The following RALB variants were observed in gnomAD, a reference collection of about 807,000 sequenced individuals.
RALB encodes RAS like proto-oncogene B.
A neutral mutation model predicts 21.3 loss-of-function variants in RALB; 16 were observed. That is an observed-to-expected ratio of 0.75 (90% CI 0.51 to 1.14). The LOEUF is 1.14. Ranked by LOEUF, RALB falls within the 50% of genes most tolerant of loss-of-function variation. The pLI is 0.00. For synonymous variants in RALB, 93 were observed against 96.1 expected, an observed-to-expected ratio of 0.97 and a Z score of 0.19; for missense variants, 161 against 256.2, an observed-to-expected ratio of 0.63 and a Z score of 2.54.
chr2:120,244,241 G>C (rs72611962), intron 1 of RALB, among the ~76,000 whole-genome samples: 1 of 152,146 alleles, frequency 6.6e-6, no homozygotes, highest in Non-Finnish European at 1.5e-5. Flanking sequence ...TTCCACATGA[G>C]ATTTGGGTGG....
At chr2:120,259,163 T>G (rs1286503543) in intron 1 of RALB, among the ~76,000 whole-genome samples, 1 of 152,170 alleles carries the variant, frequency 6.6e-6, no homozygotes, top group African/African-American at 2.4e-5. Context: ...TAGCAAGATT[T>G]ATTGCAAAGA....
chr2:120,269,412 G>C (rs1162805253), intron 1 of RALB, among the ~76,000 whole-genome samples: 1 of 152,196 alleles, frequency 6.6e-6, no homozygotes, highest in Non-Finnish European at 1.5e-5. Context: ...AAGGTGACCT[G>C]AGCAGGTTGC....
chr2:120,294,350 T>G lies in RALB; in HGVS notation c.*1090T>G. ...CCATCGCCCCTTTGCCTCTGAGAAT[T>G]GGCTGCTGTTTCTAATATAATTATT... On this transcript the variant is annotated 3_prime_UTR_variant, in exon 5 of 5. Coordinates refer to ENST00000272519, the MANE Select transcript of RALB (RefSeq NM_002881.3). 1 of 398,868 alleles carries G rather than the reference T, an allele frequency of 2.5e-6. No individual in the cohort carries two copies. Among genetic ancestry groups the G allele is most frequent in the Admixed American group, 4.4e-5 (1 of 22,740 alleles). The allele number at this position is 398,868 out of a possible 1,614,324, so 24.7% of individuals were successfully genotyped here.
intron 1 of RALB, among the ~76,000 whole-genome samples, chr2:120,272,394 G>A (rs530745902): frequency 6.6e-6 from 1 of 152,152 alleles, no homozygotes; most frequent in African/African-American, 2.4e-5. Flanking sequence ...CAAAGTATAC[G>A]GATACCTGCA....
intron 2 of RALB, among the ~76,000 whole-genome samples, chr2:120,283,108 G>A (rs1690036108): frequency 6.6e-6 from 1 of 152,112 alleles, no homozygotes; most frequent in Non-Finnish European, 1.5e-5. Context: ...TCTGCCGCGT[G>A]GCCAGGTGTG....
intron 1 of RALB, among the ~76,000 whole-genome samples, chr2:120,272,555 AC>A (rs1190724561): frequency 6.6e-6 from 1 of 152,222 alleles, no homozygotes; most frequent in African/African-American, 2.4e-5. Context: ...GGTTGTTTCA[AC>A]TTTTCTTAGT....
upstream of RALB, among the ~76,000 whole-genome samples, chr2:120,249,135 A>G (rs1689014696): frequency 6.6e-6 from 1 of 151,434 alleles, no homozygotes; most frequent in Non-Finnish European, 1.5e-5. Flanking sequence ...CCTGGGTTCA[A>G]GCAACTCTCT....
chr2:120,248,594 A>G (rs534060732), upstream of RALB, among the ~76,000 whole-genome samples: 17 of 152,202 alleles, frequency 1.1e-4, no homozygotes, highest in Admixed American at 2.6e-4. Flanking sequence ...CCGGAACAGC[A>G]TCCTAACCTC....
chr2:120,292,623 C>G lies in RALB; in HGVS notation c.502-518C>G, dbSNP rs770515726. Among the ~76,000 whole-genome samples, 2 of 152,132 alleles carry G rather than the reference C, an allele frequency of 1.3e-5. 1 individual carries two copies. Among genetic ancestry groups the G allele is most frequent in the African/African-American group, 4.8e-5 (2 of 41,418 alleles). ...CTGTTATATGCAAAAATATGTCTTA[C>G]CCTTCATCACACTTATTGTAAGATT... is the stretch of plus-strand genomic sequence containing the variant. On this transcript the variant is annotated intron_variant, in intron 4 of 4. Transcript: ENST00000272519.
chr2:120,277,598 AGT>A (rs1322375982), intron 1 of RALB, among the ~76,000 whole-genome samples: 30 of 151,698 alleles, frequency 2.0e-4, no homozygotes, highest in East Asian at 1.8e-3. Flanking sequence ...TAGTGTATGG[AGT>A]GTGTGTTGTG....
At chr2:120,287,013 GTTC>G (rs1212498432) in intron 3 of RALB, among the ~76,000 whole-genome samples, 1 of 152,092 alleles carries the variant, frequency 6.6e-6, no homozygotes, top group Admixed American at 6.6e-5. Flanking sequence ...TAAAAAATCT[GTTC>G]TTCTTATAAA....
chr2:120,243,058 C>A (rs1260271424), intron 1 of RALB, among the ~76,000 whole-genome samples: 1 of 152,202 alleles, frequency 6.6e-6, no homozygotes, highest in Non-Finnish European at 1.5e-5. Flanking sequence ...CGTTCTGATG[C>A]AGAAACCAAG....
At chr2:120,286,350 C>T (rs778080839) in intron 3 of RALB, among the ~76,000 whole-genome samples, 10 of 152,130 alleles carry the variant, frequency 6.6e-5, no homozygotes, top group Non-Finnish European at 1.5e-4. Flanking sequence ...AACAATGAAG[C>T]TATTCCATAT....
intron 4 of RALB, among the ~76,000 whole-genome samples, chr2:120,290,086 C>T (rs1455349789): frequency 6.6e-6 from 1 of 152,134 alleles, no homozygotes; most frequent in Non-Finnish European, 1.5e-5. Context: ...GCAACCTCTG[C>T]CTCCTGGGCT....
chr2:120,274,034 A>G (rs1689728947), intron 1 of RALB, among the ~76,000 whole-genome samples: 1 of 152,242 alleles, frequency 6.6e-6, no homozygotes, highest in South Asian at 2.1e-4. Flanking sequence ...TCAGAATTAG[A>G]TAACTACACG....
At chr2:120,268,485 A>G (rs748395657) in intron 1 of RALB, among the ~76,000 whole-genome samples, 3 of 152,242 alleles carry the variant, frequency 2.0e-5, no homozygotes, top group Non-Finnish European at 2.9e-5. Context: ...CCATCAGTCA[A>G]TGAATGGCTA....
chr2:120,288,280 T>C (rs1283492147), intron 3 of RALB, among the ~76,000 whole-genome samples: 2 of 152,168 alleles, frequency 1.3e-5, no homozygotes, highest in Non-Finnish European at 2.9e-5. Context: ...TCTTTTCATC[T>C]TTTTTAGTTT....
chr2:120,253,097 C>A, intron 1 of RALB, 117 bp downstream of exon 1: 1 of 712,026 alleles, frequency 1.4e-6, no homozygotes, highest in Non-Finnish European at 1.7e-6. Context: ...CGGGCGGCGG[C>A]AGGACATGTC....
chr2:120,253,064 C>A, intron 1 of RALB, 84 bp downstream of exon 1: 2 of 869,534 alleles, frequency 2.3e-6, no homozygotes, highest in Non-Finnish European at 2.8e-6. Context: ...CAGCCTCTTG[C>A]TCCCTCCGTG....
Sources: allele counts gnomAD v4.1 joint callset (sites outside exome capture counted in the v4.1 genomes callset), GRCh38; gene constraint gnomAD v4.1.1; transcripts MANE v1.5; gene names NCBI Gene and HGNC (gene_info 2026-07-23, HGNC 2026-07-21).